TOX: variants seen among roughly 807,000 people sequenced by gnomAD.
TOX encodes the protein thymocyte selection-associated high mobility group box protein TOX.
A neutral mutation model predicts 53.7 loss-of-function variants in TOX; 11 were observed. The ratio of observed to expected loss-of-function variants is 0.20; its 90% CI spans 0.13 to 0.34. The LOEUF (loss-of-function observed/expected upper bound fraction) is 0.34. TOX is among the 10% of genes least tolerant of loss of function. The pLI, the probability that TOX is intolerant of heterozygous loss-of-function variation, is 1.00. For synonymous variants in TOX, 225 were observed against 245.3 expected (o/e 0.92, Z 0.77); for missense variants, 570 against 664.6 (o/e 0.86, Z 1.56).
intron 4 of TOX, among the ~76,000 whole-genome samples, chr8:58,846,788 C>T (rs944295466): frequency 3.3e-5 from 5 of 152,034 alleles, no homozygotes; most frequent in African/African-American, 1.2e-4. Context: ...GAAGACAAAC[C>T]CCATGCCTTA....
intron 1 of TOX, among the ~76,000 whole-genome samples, chr8:59,071,812 T>C (rs1804201986): frequency 6.6e-6 from 1 of 152,224 alleles, no homozygotes; most frequent in Admixed American, 6.5e-5. Context: ...GGCTCTGTCA[T>C]GCTATGATTC....
chr8:59,076,134 G>A (rs755956789), intron 1 of TOX, among the ~76,000 whole-genome samples: 7 of 152,260 alleles, frequency 4.6e-5, no homozygotes, highest in Non-Finnish European at 1.0e-4. Context: ...CCTCCACTGC[G>A]CAGTACACAT....
intron 3 of TOX, among the ~76,000 whole-genome samples, chr8:58,856,060 G>A (rs1180585116): frequency 6.6e-6 from 1 of 152,144 alleles, no homozygotes; most frequent in Admixed American, 6.6e-5. Context: ...AATGATCTCA[G>A]ATCTTTCTAT....
intron 1 of TOX, among the ~76,000 whole-genome samples, chr8:59,116,664 G>A (rs1805104861): frequency 6.6e-6 from 1 of 152,208 alleles, no homozygotes; most frequent in Non-Finnish European, 1.5e-5. Context: ...TGTCCCTGGA[G>A]AAACATTTCC....
intron 1 of TOX, among the ~76,000 whole-genome samples, chr8:59,109,368 A>T (rs546370784): frequency 6.6e-6 from 1 of 152,312 alleles, no homozygotes; most frequent in East Asian, 1.9e-4. Context: ...CAAAACCTTT[A>T]TCACACAAGT....
intron 1 of TOX, among the ~76,000 whole-genome samples, chr8:59,063,583 C>A (rs894142860): frequency 6.6e-6 from 1 of 151,822 alleles, no homozygotes; most frequent in African/African-American, 2.4e-5. Flanking sequence ...GCCACCACGC[C>A]GGGCTAATTT....
At chr8:58,974,888 T>C (rs542045767) in intron 1 of TOX, among the ~76,000 whole-genome samples, 78 of 152,234 alleles carry the variant, frequency 5.1e-4, no homozygotes, top group Admixed American at 9.2e-4. Context: ...ATGAATGGAA[T>C]TGAAATTTCA....
At chr8:59,013,260 T>C (rs1471782917) in intron 1 of TOX, among the ~76,000 whole-genome samples, 1 of 152,206 alleles carries the variant, frequency 6.6e-6, no homozygotes, top group African/African-American at 2.4e-5. Flanking sequence ...TTCAGCAACA[T>C]CTTATTCTGG....
chr8:58,881,285 T>C (rs1811378755), intron 3 of TOX, among the ~76,000 whole-genome samples: 2 of 152,206 alleles, frequency 1.3e-5, no homozygotes, highest in Admixed American at 6.5e-5. Context: ...TAGGAGATTA[T>C]CTTCGAATAA....
intron 1 of TOX, among the ~76,000 whole-genome samples, chr8:59,089,086 C>A (rs1804561471): frequency 6.6e-6 from 1 of 152,152 alleles, no homozygotes; most frequent in Non-Finnish European, 1.5e-5. Flanking sequence ...TCTTAATGAA[C>A]CTTAACCCTC....
chr8:59,097,958 T>TA (rs1365399935), intron 1 of TOX, among the ~76,000 whole-genome samples: 4 of 152,086 alleles, frequency 2.6e-5, no homozygotes, highest in African/African-American at 9.7e-5. Flanking sequence ...ATCTTTGCTT[T>TA]AACTGAGATA....
In TOX at chr8:58,807,259, G is replaced by A. The variant is rs972197416; in HGVS notation, c.*488C>T. On this transcript the variant is annotated 3_prime_UTR_variant, in exon 9 of 9. Coordinates refer to ENST00000361421, the MANE Select transcript of TOX (RefSeq NM_014729.3). The stretch of plus-strand genomic sequence containing the variant: ...TATTGTGAAATCAATAAACTGGAAT[G>A]AGCCAGTTTCAATTACAATTTAGCT... The A allele has an allele frequency of 6.5e-6, 1 of 152,762 alleles. No individual in the cohort carries two copies. Among genetic ancestry groups the A allele is most frequent in the African/African-American group, 2.4e-5 (1 of 41,420 alleles). The allele number at this position is 152,762 out of a possible 1,614,324, so 9.5% of individuals were successfully genotyped here.
chr8:59,054,947 AAGAG>A lies in TOX; in HGVS notation c.102+63935_102+63938del, dbSNP rs149579438. ...AAGAAAGAAAAAGAAAGAAAGGAAAAAGAGAGGAGGGAGGGAGGAAGGAAGGGAC... is the reference window on the plus strand; with the variant it reads ...AAGAAAGAAAAAGAAAGAAAGGAAAAAGGAGGGAGGGAGGAAGGAAGGGAC... On this transcript the variant is annotated intron_variant, in intron 1 of 8. Coordinates refer to ENST00000361421, the MANE Select transcript of TOX (RefSeq NM_014729.3). Among the ~76,000 whole-genome samples, 9 of 141,362 alleles carry A rather than the reference AAGAG, an allele frequency of 6.4e-5. No individual in the cohort carries two copies. The East Asian group carries it at 6.7e-4, about 10-fold the overall frequency. 92.7% of individuals were successfully genotyped at this position (141,362 alleles called of 152,430 possible). A position where few individuals can be genotyped will look rare whatever the true frequency, so the allele number is the denominator to read the frequency against.
At chr8:58,955,551 G>T (rs1308149076) in intron 2 of TOX, among the ~76,000 whole-genome samples, 1 of 152,008 alleles carries the variant, frequency 6.6e-6, no homozygotes. Context: ...CTGATGCCAG[G>T]AAAATCTTCT....
chr8:58,967,106 C>A (rs1272007454), intron 1 of TOX, among the ~76,000 whole-genome samples: 1 of 151,936 alleles, frequency 6.6e-6, no homozygotes, highest in African/African-American at 2.4e-5. Flanking sequence ...CATCTCCTGA[C>A]CTCGTGATCT....
chr8:58,949,198 A>G (rs1812577140), intron 2 of TOX, among the ~76,000 whole-genome samples: 1 of 152,240 alleles, frequency 6.6e-6, no homozygotes, highest in Non-Finnish European at 1.5e-5. Flanking sequence ...AGCAATCAAT[A>G]AATGTTAGCT....
At chr8:58,975,416 A>G (rs1473289482) in intron 1 of TOX, among the ~76,000 whole-genome samples, 3 of 152,078 alleles carry the variant, frequency 2.0e-5, no homozygotes, top group African/African-American at 7.2e-5. Flanking sequence ...TTTGGAATGT[A>G]TTTCATACTT....
chr8:58,927,830 C>T (rs189348112), intron 3 of TOX, among the ~76,000 whole-genome samples: 1 of 152,224 alleles, frequency 6.6e-6, no homozygotes, highest in Admixed American at 6.5e-5. Context: ...TCACCACCAG[C>T]ACGAAAACTG....
At chr8:58,909,995 A>T (rs564449929) in intron 3 of TOX, among the ~76,000 whole-genome samples, 1 of 152,102 alleles carries the variant, frequency 6.6e-6, no homozygotes, top group Non-Finnish European at 1.5e-5. Context: ...CAAAATGCCC[A>T]TCAGGGAGCA....
Sources: allele counts gnomAD v4.1 joint callset (sites outside exome capture counted in the v4.1 genomes callset), GRCh38; gene constraint gnomAD v4.1.1; transcripts MANE v1.5; gene names NCBI Gene and HGNC (gene_info 2026-07-23, HGNC 2026-07-21).